The following FCHSD2 variants were observed in gnomAD, a reference collection of about 807,000 sequenced individuals.
FCHSD2 encodes F-BAR and double SH3 domains protein 2.
In FCHSD2, 38 loss-of-function variants were observed where a neutral mutation model predicts 108.1. The ratio of observed to expected loss-of-function variants is 0.35; its 90% confidence interval spans 0.27 to 0.46. The LOEUF (loss-of-function observed/expected upper bound fraction) is 0.46, where lower values mean the gene tolerates loss of function less well. FCHSD2 is among the 20% of genes least tolerant of loss of function. The pLI, the probability that FCHSD2 is intolerant of heterozygous loss-of-function variation, is 1.00. For synonymous variants in FCHSD2, 279 were observed against 314.7 expected (o/e 0.89, Z 1.20); for missense variants, 751 against 897.8 (o/e 0.84, Z 2.09).
At chr11:73,110,066 T>A (rs774325263) in intron 2 of FCHSD2, among the ~76,000 whole-genome samples, 9 of 152,204 alleles carry the variant, frequency 5.9e-5, no homozygotes, top group Non-Finnish European at 1.3e-4. Flanking sequence ...TTTCCTTTAA[T>A]GTATTATTGA....
In FCHSD2 at chr11:72,958,904, G is replaced by A. The variant is rs570434062; in HGVS notation, c.705+25184C>T. Among the ~76,000 whole-genome samples the A allele has an allele frequency of 2.6e-5, 4 of 152,166 alleles. No individual in the cohort carries two copies. The East Asian group carries it at 7.7e-4, about 29-fold the overall frequency. On this transcript the variant is annotated intron_variant, in intron 8 of 19. Transcript: ENST00000409418. ...AACAACTTACCCATTTCCATCTATG[G>A]AAACAGAAGCACTGGAATAGATAAG...
intron 2 of FCHSD2, among the ~76,000 whole-genome samples, chr11:73,110,585 A>G (rs1298569619): frequency 6.6e-6 from 1 of 151,828 alleles, no homozygotes; most frequent in Non-Finnish European, 1.5e-5. Context: ...TCCTAAGTCT[A>G]TCTAATGTTT....
intron 9 of FCHSD2, among the ~76,000 whole-genome samples, chr11:72,905,383 G>A (rs1855607063): frequency 6.6e-6 from 1 of 151,922 alleles, no homozygotes; most frequent in Admixed American, 6.6e-5. Flanking sequence ...GGTAAATGGG[G>A]TATCCACCAC....
chr11:72,996,035 T>C (rs967565057), intron 5 of FCHSD2, among the ~76,000 whole-genome samples: 1 of 152,118 alleles, frequency 6.6e-6, no homozygotes, highest in Non-Finnish European at 1.5e-5. Flanking sequence ...ACATGAACAA[T>C]TAATTAGGAA....
intron 2 of FCHSD2, among the ~76,000 whole-genome samples, chr11:73,133,765 TA>T (rs1210803641): frequency 8.0e-6 from 1 of 125,144 alleles, no homozygotes; most frequent in Non-Finnish European, 1.6e-5. Flanking sequence ...TGCACTCCAG[TA>T]TGGGTGACAC....
At chr11:73,026,035 TGTA>T (rs1858221819) in intron 3 of FCHSD2, among the ~76,000 whole-genome samples, 1 of 151,998 alleles carries the variant, frequency 6.6e-6, no homozygotes, top group Non-Finnish European at 1.5e-5. Flanking sequence ...TATGTATGTA[TGTA>T]TTTTGACATA....
intron 2 of FCHSD2, among the ~76,000 whole-genome samples, chr11:73,091,488 G>T (rs1565405819): frequency 6.6e-6 from 1 of 152,082 alleles, no homozygotes; most frequent in African/African-American, 2.4e-5. Context: ...GGCAGAGGTT[G>T]CAGTGAGCCG....
chr11:72,937,416 A>G (rs946976939), intron 8 of FCHSD2, among the ~76,000 whole-genome samples: 2 of 152,200 alleles, frequency 1.3e-5, no homozygotes, highest in Admixed American at 6.6e-5. Flanking sequence ...AAGAAATATA[A>G]AGCCTTAGTG....
At chr11:72,877,016 C>T (rs1019303658) in intron 12 of FCHSD2, among the ~76,000 whole-genome samples, 13 of 151,058 alleles carry the variant, frequency 8.6e-5, no homozygotes, top group East Asian at 5.8e-4. Context: ...TTGTTGTCTA[C>T]GCTGCAGTGC....
chr11:73,122,239 C>T (rs1860751400), intron 2 of FCHSD2, among the ~76,000 whole-genome samples: 1 of 151,844 alleles, frequency 6.6e-6, no homozygotes, highest in African/African-American at 2.4e-5. Context: ...TTTATGTTTT[C>T]ATCAAAGAAA....
At chr11:73,107,273 G>A (rs1405822448) in intron 2 of FCHSD2, among the ~76,000 whole-genome samples, 5 of 152,010 alleles carry the variant, frequency 3.3e-5, no homozygotes, top group African/African-American at 4.8e-5. Flanking sequence ...CAGGATAGTC[G>A]ATCTGACCTT....
At chr11:72,982,798 T>C (rs1328307337) in intron 8 of FCHSD2, among the ~76,000 whole-genome samples, 2 of 152,312 alleles carry the variant, frequency 1.3e-5, no homozygotes, top group Non-Finnish European at 2.9e-5. Context: ...CATCAAATAG[T>C]AATGTGCAAT....
chr11:72,918,952 G>C (rs1258286825), intron 9 of FCHSD2, among the ~76,000 whole-genome samples: 1 of 152,048 alleles, frequency 6.6e-6, no homozygotes, highest in Non-Finnish European at 1.5e-5. Flanking sequence ...AAGAAGAAAA[G>C]CAAGCTTCAT....
intron 2 of FCHSD2, among the ~76,000 whole-genome samples, chr11:73,120,661 G>A (rs189855355): frequency 3.3e-5 from 5 of 152,064 alleles, no homozygotes; most frequent in East Asian, 1.9e-4. Context: ...CTTGGAAGGC[G>A]GAGGCTGCAG....
At chr11:73,067,351 G>A (rs1044451538) in intron 3 of FCHSD2, among the ~76,000 whole-genome samples, 6 of 151,978 alleles carry the variant, frequency 3.9e-5, no homozygotes, top group Non-Finnish European at 7.4e-5. Flanking sequence ...GCTAGAGGGT[G>A]GATAACATTA....
chr11:72,870,028 GT>G (rs1471837266), intron 12 of FCHSD2, among the ~76,000 whole-genome samples: 10 of 152,088 alleles, frequency 6.6e-5, no homozygotes, highest in African/African-American at 1.9e-4. Context: ...CCACCCCACT[GT>G]CCCACTTGCT....
chr11:72,838,728 C>T lies in FCHSD2; in HGVS notation c.*63G>A, dbSNP rs1860809062. 61 of 1,418,910 alleles carry T rather than the reference C, an allele frequency of 4.3e-5. No individual in the cohort carries two copies. Among genetic ancestry groups the T allele is most frequent in the Non-Finnish European group, 5.8e-5 (60 of 1,026,892 alleles). 87.9% of individuals were successfully genotyped at this position (1,418,910 alleles called of 1,614,324 possible). A position where few individuals can be genotyped will look rare whatever the true frequency, so the allele number is the denominator to read the frequency against. ...TCATCATGCAAAGGTGCCTAAAAAA[C>T]AAGACTGGCCAAACTCCAAGCCTGG... On this transcript the variant is annotated 3_prime_UTR_variant, in exon 20 of 20. Transcript: ENST00000409418.
At chr11:72,863,487 G>T (rs1854648993) in intron 13 of FCHSD2, among the ~76,000 whole-genome samples, 1 of 152,012 alleles carries the variant, frequency 6.6e-6, no homozygotes, top group Non-Finnish European at 1.5e-5. Context: ...ATCCATAAAA[G>T]AAAAATTGGT....
At chr11:72,888,698 A>G (rs1459671078) in intron 11 of FCHSD2, among the ~76,000 whole-genome samples, 3 of 151,088 alleles carry the variant, frequency 2.0e-5, no homozygotes, top group Non-Finnish European at 4.4e-5. Context: ...ACCTCAATGT[A>G]ACCTCCACCT....
Sources: gnomAD v4.1 joint callset for allele counts (sites outside exome capture counted in the v4.1 genomes callset) on GRCh38, gnomAD v4.1.1 for gene constraint, MANE v1.5 for transcripts, NCBI Gene and HGNC (gene_info 2026-07-23, HGNC 2026-07-21) for gene names.